Variants in MRTFB observed in about 807,000 individuals in gnomAD.
MRTFB encodes the protein myocardin related transcription factor B, also known as myocardin-related transcription factor B.
MRTFB carries 29 observed loss-of-function variants against 104.2 expected under a neutral mutation model. That is an observed-to-expected ratio of 0.28 (90% CI 0.21 to 0.38). The LOEUF is 0.38. Among genes scored for constraint, MRTFB ranks in the 10% least tolerant of loss-of-function variants. The probability of loss-of-function intolerance (pLI) is 1.00; values close to 1 mark genes in which losing one functional copy is unlikely to be tolerated. For synonymous variants in MRTFB, 535 were observed against 519.5 expected (o/e 1.03, Z -0.41); for missense variants, 1,270 against 1,341.6 (o/e 0.95, Z 0.83).
chr16:14,089,786 CT>C (rs1186327608), intron 2 of MRTFB, among the ~76,000 whole-genome samples: 2 of 152,144 alleles, frequency 1.3e-5, no homozygotes, highest in Non-Finnish European at 2.9e-5. Flanking sequence ...TCTCCAAGTC[CT>C]TGGCAACACT....
chr16:14,059,720 G>A, the MRTFB span, among the ~76,000 whole-genome samples: 209 of 152,264 alleles, frequency 1.4e-3, no homozygotes, highest in Non-Finnish European at 1.7e-3. Context: ...AAAGACAGGC[G>A]TGAGCCAAAA....
At chr16:14,174,608 G>A (rs550875610) in intron 3 of MRTFB, among the ~76,000 whole-genome samples, 50 of 152,260 alleles carry the variant, frequency 3.3e-4, no homozygotes, top group African/African-American at 1.0e-3. Flanking sequence ...ACTTGAGCCC[G>A]GGAGGCAGAG....
At chr16:14,217,513 C>T (rs2041479347) in intron 7 of MRTFB, among the ~76,000 whole-genome samples, 2 of 152,166 alleles carry the variant, frequency 1.3e-5, no homozygotes, top group African/African-American at 4.8e-5. Context: ...TAATTCTTAA[C>T]ATTCTGATTT....
chr16:14,140,499 G>A, intron 2 of MRTFB, 45 bp from the exon 3 acceptor site: 1 of 1,393,266 alleles, frequency 7.2e-7, no homozygotes, highest in Non-Finnish European at 9.8e-7. Flanking sequence ...GCAAATTGGA[G>A]AAACATAACT....
the MRTFB span, among the ~76,000 whole-genome samples, chr16:14,017,461 C>G: frequency 1.3e-5 from 2 of 151,040 alleles, no homozygotes; most frequent in African/African-American, 4.9e-5. Flanking sequence ...ATTACTTGAG[C>G]TCTGGAATCC....
chr16:14,191,842 A>G (rs2040198226), intron 3 of MRTFB: 2 of 152,168 alleles, frequency 1.3e-5, no homozygotes, highest in African/African-American at 4.8e-5. Flanking sequence ...ATTGTTATTT[A>G]TTGTTTGATT....
chr16:14,158,677 C>T (rs35094079), intron 3 of MRTFB, among the ~76,000 whole-genome samples: 398 of 151,998 alleles, frequency 2.6e-3, no homozygotes, highest in Admixed American at 4.2e-3. Context: ...TAATCATATG[C>T]AAAGCTAAAA....
chr16:14,055,032 A>G, the MRTFB span, among the ~76,000 whole-genome samples: 11 of 152,212 alleles, frequency 7.2e-5, no homozygotes, highest in African/African-American at 2.7e-4. Context: ...TTTTATAACT[A>G]TAGAACAATG....
intron 5 of MRTFB, 77 bp from the exon 6 acceptor site, chr16:14,213,468 A>G (rs1476419682): frequency 2.9e-6 from 3 of 1,034,708 alleles, no homozygotes; most frequent in Non-Finnish European, 4.2e-6. Context: ...GTTTATTTAA[A>G]TGGAATACCT....
intron 3 of MRTFB, among the ~76,000 whole-genome samples, chr16:14,175,914 CTAAT>C (rs760843479): frequency 6.6e-6 from 1 of 152,058 alleles, no homozygotes; most frequent in Admixed American, 6.6e-5. Flanking sequence ...AAAAGATAAA[CTAAT>C]TGATGGTGAT....
the MRTFB span, among the ~76,000 whole-genome samples, chr16:14,022,015 C>T: frequency 2.6e-5 from 4 of 152,162 alleles, no homozygotes; most frequent in African/African-American, 7.2e-5. Flanking sequence ...TGCCACATAC[C>T]TCTGACTCCA....
At chr16:14,223,915 G>T (rs1312294306) in intron 8 of MRTFB, among the ~76,000 whole-genome samples, 2 of 152,174 alleles carry the variant, frequency 1.3e-5, no homozygotes. Flanking sequence ...GTAGTAGTCA[G>T]TTCTCACACC....
At chr16:14,229,458 A>T (rs1363036919) in intron 8 of MRTFB, among the ~76,000 whole-genome samples, 1 of 152,228 alleles carries the variant, frequency 6.6e-6, no homozygotes, top group Non-Finnish European at 1.5e-5. Flanking sequence ...AACATTATTG[A>T]CTTAAAATCT....
At chr16:14,171,085 C>A (rs938546487) in intron 3 of MRTFB, among the ~76,000 whole-genome samples, 2 of 152,146 alleles carry the variant, frequency 1.3e-5, no homozygotes. Flanking sequence ...TTGACAAGCC[C>A]AACATCATTC....
the MRTFB span, among the ~76,000 whole-genome samples, chr16:14,052,188 G>A: frequency 3.0e-4 from 46 of 152,296 alleles, no homozygotes; most frequent in African/African-American, 9.6e-4. Flanking sequence ...TGGTAGGATT[G>A]TTGGGAGGAT....
chr16:14,245,471 A>G, intron 10 of MRTFB, 57 bp from the exon 11 acceptor site: 1 of 1,462,756 alleles, frequency 6.8e-7, no homozygotes, highest in Non-Finnish European at 9.3e-7. Context: ...TAATAGAAGC[A>G]ATGTCAAATC....
chr16:14,104,050 T>A (rs2035846123), intron 2 of MRTFB, among the ~76,000 whole-genome samples: 1 of 152,178 alleles, frequency 6.6e-6, no homozygotes, highest in Non-Finnish European at 1.5e-5. Flanking sequence ...TGAAGTATAA[T>A]CTCCCTACTT....
chr16:14,070,780 A>T (rs2033634845), upstream of MRTFB, among the ~76,000 whole-genome samples: 1 of 152,224 alleles, frequency 6.6e-6, no homozygotes, highest in South Asian at 2.1e-4. Context: ...AGGTGCAGAA[A>T]TGGGTTTTGG....
the MRTFB span, among the ~76,000 whole-genome samples, chr16:14,036,279 A>G: frequency 3.3e-5 from 3 of 90,702 alleles, no homozygotes; most frequent in Non-Finnish European, 6.5e-5. Flanking sequence ...TAAGATTTAT[A>G]TGTATTTTAT....
Sources: gnomAD v4.1 joint callset for allele counts (sites outside exome capture counted in the v4.1 genomes callset) on GRCh38, gnomAD v4.1.1 for gene constraint, MANE v1.5 for transcripts, NCBI Gene and HGNC (gene_info 2026-07-23, HGNC 2026-07-21) for gene names.